Variants in DLGAP2 observed in about 807,000 individuals in gnomAD.
DLGAP2 encodes the protein disks large-associated protein 2.
DLGAP2 carries 26 observed loss-of-function variants against 100.3 expected under a neutral mutation model. The observed-to-expected ratio is 0.26, with a 90% CI of 0.19 to 0.36. The LOEUF is 0.36. Ranked by LOEUF, DLGAP2 falls within the 10% of genes least tolerant of loss-of-function variation. The probability of loss-of-function intolerance (pLI) is 1.00; values close to 1 mark genes in which losing one functional copy is unlikely to be tolerated. For missense variants in DLGAP2, 1,858 were observed against 1,453.2 expected, an observed-to-expected ratio of 1.28 and a Z score of -4.53; for synonymous variants, 886 against 630.1, an observed-to-expected ratio of 1.41 and a Z score of -6.08.
chr8:1,206,838 G>C (rs1437628625), intron 2 of DLGAP2, among the ~76,000 whole-genome samples: 2 of 152,158 alleles, frequency 1.3e-5, no homozygotes, highest in African/African-American at 4.8e-5. Context: ...TTCTGTCGCT[G>C]ACACAGCAAG....
intron 2 of DLGAP2, among the ~76,000 whole-genome samples, chr8:974,646 AC>A: frequency 6.6e-6 from 1 of 152,332 alleles, no homozygotes; most frequent in East Asian, 1.9e-4. Flanking sequence ...CTTCTAAATA[AC>A]ACATTCGTCA....
At chr8:783,319 G>A (rs927805259) in intron 1 of DLGAP2, among the ~76,000 whole-genome samples, 4 of 152,180 alleles carry the variant, frequency 2.6e-5, no homozygotes, top group African/African-American at 9.7e-5. Context: ...GGAGGTTAAG[G>A]AAATTAAAAT....
chr8:1,120,461 C>G (rs1377776372), intron 2 of DLGAP2, among the ~76,000 whole-genome samples: 1 of 152,276 alleles, frequency 6.6e-6, no homozygotes, highest in East Asian at 1.9e-4. Flanking sequence ...CCTTCAGAAA[C>G]CATAACCACC....
intron 3 of DLGAP2, among the ~76,000 whole-genome samples, chr8:1,446,346 G>A (rs1413645731): frequency 6.6e-6 from 1 of 152,048 alleles, no homozygotes; most frequent in East Asian, 1.9e-4. Context: ...TATTAAATAG[G>A]GAATCCTTTC....
rs74593174 is a variant in DLGAP2 at position 1,184,482 on chromosome 8, A to G, written c.74-74369A>G. Among the ~76,000 whole-genome samples the G allele has an allele frequency of 6.7e-3, 1,025 of 152,290 alleles. 6 individuals are homozygous for G. Among genetic ancestry groups the G allele is most frequent in the African/African-American group, 0.024 (985 of 41,554 alleles). On this transcript the variant is annotated intron_variant, in intron 2 of 14. Transcript: ENST00000637795. ...GAGGCTGAGGCCATTCTTCTCTGGGAGCCAGTGGGTACCCGGGGTGCACGC... is the reference window on the plus strand; with the variant it reads ...GAGGCTGAGGCCATTCTTCTCTGGGGGCCAGTGGGTACCCGGGGTGCACGC...
chr8:1,154,730 G>A (rs1796750357), intron 2 of DLGAP2, among the ~76,000 whole-genome samples: 1 of 152,020 alleles, frequency 6.6e-6, no homozygotes, highest in African/African-American at 2.4e-5. Flanking sequence ...TCCCGGAGTC[G>A]GTCAGGATTT....
At chr8:853,881 G>T (rs1331096894) in intron 1 of DLGAP2, among the ~76,000 whole-genome samples, 1 of 152,156 alleles carries the variant, frequency 6.6e-6, no homozygotes, top group Non-Finnish European at 1.5e-5. Flanking sequence ...CCCCCAATGT[G>T]ATGGTGTTAG....
chr8:831,201 C>A (rs1451294090), intron 1 of DLGAP2, among the ~76,000 whole-genome samples: 1 of 134,994 alleles, frequency 7.4e-6, no homozygotes, highest in Non-Finnish European at 1.6e-5. Flanking sequence ...CCCGGTCCAG[C>A]AGTCACTTTT....
intron 3 of DLGAP2, among the ~76,000 whole-genome samples, chr8:1,343,138 A>G (rs1208621020): frequency 6.6e-6 from 1 of 152,244 alleles, no homozygotes; most frequent in Non-Finnish European, 1.5e-5. Flanking sequence ...GAAGTCCCCA[A>G]GACCACCTGG....
intron 3 of DLGAP2, among the ~76,000 whole-genome samples, chr8:1,426,389 C>T (rs1463998258): frequency 6.6e-6 from 1 of 152,094 alleles, no homozygotes; most frequent in African/African-American, 2.4e-5. Flanking sequence ...CCAAGGAATA[C>T]AAACAAATGA....
At chr8:1,346,710 G>A (rs1801567438) in intron 3 of DLGAP2, among the ~76,000 whole-genome samples, 1 of 131,688 alleles carries the variant, frequency 7.6e-6, no homozygotes, top group Admixed American at 7.2e-5. Context: ...GTAGCTGTGT[G>A]GAGGTTGAGT....
chr8:1,429,615 G>A (rs560038146), intron 3 of DLGAP2, among the ~76,000 whole-genome samples: 50 of 152,088 alleles, frequency 3.3e-4, no homozygotes, highest in African/African-American at 1.2e-3. Flanking sequence ...GTCATCCACA[G>A]CCACTGAGAG....
intron 2 of DLGAP2, among the ~76,000 whole-genome samples, chr8:1,061,676 G>A (rs1284196971): frequency 6.6e-6 from 1 of 151,956 alleles, no homozygotes; most frequent in Non-Finnish European, 1.5e-5. Context: ...CAGGGAGCCG[G>A]GGCCCAGGTG....
intron 3 of DLGAP2, among the ~76,000 whole-genome samples, chr8:1,371,168 T>G (rs1350237364): frequency 6.6e-6 from 1 of 152,242 alleles, no homozygotes; most frequent in East Asian, 1.9e-4. Flanking sequence ...GACACGTCTT[T>G]CTTTTGCCTC....
At chr8:1,286,834 G>C (rs542363229) in intron 3 of DLGAP2, among the ~76,000 whole-genome samples, 1 of 152,252 alleles carries the variant, frequency 6.6e-6, no homozygotes, top group Non-Finnish European at 1.5e-5. Flanking sequence ...TTGTTAGGCC[G>C]TATGGGGAAA....
At chr8:781,857 G>A (rs1267520653) in intron 1 of DLGAP2, among the ~76,000 whole-genome samples, 1 of 152,150 alleles carries the variant, frequency 6.6e-6, no homozygotes, top group Admixed American at 6.5e-5. Flanking sequence ...ATAATTTTTT[G>A]TTTCTTTTGT....
At chr8:1,696,943 G>A (rs1290635354) in intron 13 of DLGAP2, among the ~76,000 whole-genome samples, 7 of 152,244 alleles carry the variant, frequency 4.6e-5, no homozygotes, top group Non-Finnish European at 8.8e-5. Flanking sequence ...GCTGTGCTAC[G>A]TGTTTTTAGG....
chr8:1,188,820 A>T (rs770050970), intron 2 of DLGAP2, among the ~76,000 whole-genome samples: 2 of 145,614 alleles, frequency 1.4e-5, no homozygotes, highest in South Asian at 2.1e-4. Flanking sequence ...CGTCCTCAGG[A>T]TGTGCCTTTT....
intron 1 of DLGAP2, among the ~76,000 whole-genome samples, chr8:893,737 T>G (rs577183855): frequency 6.6e-6 from 1 of 152,266 alleles, no homozygotes; most frequent in South Asian, 2.1e-4. Context: ...TTTTGGAAAA[T>G]GTTTGCAGAG....
Sources: allele counts gnomAD v4.1 joint callset (sites outside exome capture counted in the v4.1 genomes callset), GRCh38; gene constraint gnomAD v4.1.1; transcripts MANE v1.5; gene names NCBI Gene and HGNC (gene_info 2026-07-23, HGNC 2026-07-21).